GALNT17: variants seen among roughly 807,000 people sequenced by gnomAD.
The protein encoded by GALNT17 is UDP-GalNAc:polypeptide N-acetylgalactosaminyltransferase-like 3.
In GALNT17, 29 loss-of-function variants were observed where a neutral mutation model predicts 63.7. The observed-to-expected ratio is 0.46, with a 90% CI of 0.34 to 0.62. GALNT17 has a LOEUF of 0.62. Among genes scored for constraint, GALNT17 ranks in the 20% least tolerant of loss-of-function variants. GALNT17 has a pLI of 0.01. For synonymous variants in GALNT17, 305 were observed against 318.3 expected (o/e 0.96, Z 0.45); for missense variants, 603 against 799.6 (o/e 0.75, Z 2.97).
chr7:71,280,155 G>A (rs951570106), intron 1 of GALNT17, among the ~76,000 whole-genome samples: 1 of 152,096 alleles, frequency 6.6e-6, no homozygotes, highest in African/African-American at 2.4e-5. Context: ...AGGGAGGGAG[G>A]TCTCTGAGGT....
chr7:71,155,884 T>C (rs1299074470), intron 1 of GALNT17, among the ~76,000 whole-genome samples: 1 of 151,878 alleles, frequency 6.6e-6, no homozygotes, highest in Non-Finnish European at 1.5e-5. Flanking sequence ...TCACTTTTCC[T>C]GGAGTGAGAA....
intron 1 of GALNT17, among the ~76,000 whole-genome samples, chr7:71,239,212 T>A (rs1285722990): frequency 6.6e-6 from 1 of 152,044 alleles, no homozygotes; most frequent in Non-Finnish European, 1.5e-5. Context: ...ATAATTCCAA[T>A]GCTTTGGGAG....
chr7:71,526,506 TTTATTTTTTATTTA>T (rs1788627209), intron 5 of GALNT17, among the ~76,000 whole-genome samples: 1 of 152,124 alleles, frequency 6.6e-6, no homozygotes. Flanking sequence ...TTTTTTATTT[TTTATTTTTTATTTA>T]TTGATTTATT....
At chr7:71,247,232 A>ATTATC (rs1790115029) in intron 1 of GALNT17, among the ~76,000 whole-genome samples, 1 of 152,182 alleles carries the variant, frequency 6.6e-6, no homozygotes, top group Non-Finnish European at 1.5e-5. Context: ...AAGAGTGAAA[A>ATTATC]CATAATTAAA....
At chr7:71,524,197 A>G (rs1788584005) in intron 5 of GALNT17, among the ~76,000 whole-genome samples, 1 of 148,924 alleles carries the variant, frequency 6.7e-6, no homozygotes, top group African/African-American at 2.4e-5. Flanking sequence ...TTAACTAGTA[A>G]TAGTAACTAG....
intron 1 of GALNT17, among the ~76,000 whole-genome samples, chr7:71,178,805 T>C (rs1360867443): frequency 1.3e-5 from 2 of 152,240 alleles, no homozygotes; most frequent in African/African-American, 4.8e-5. Context: ...GACGTATGTA[T>C]AATAGCTGCC....
At position 71,408,189 on chromosome 7, in the gene GALNT17, C is replaced by T. The variant is rs116818782; in HGVS notation, c.590-7700C>T. Among the ~76,000 whole-genome samples the T allele has an allele frequency of 4.8e-3, 731 of 152,218 alleles. 4 individuals carry two copies. Among genetic ancestry groups the T allele is most frequent in the African/African-American group, 0.016 (664 of 41,522 alleles). On this transcript the variant is annotated intron_variant, in intron 3 of 10. Transcript: ENST00000333538. The stretch of plus-strand genomic sequence containing the variant: ...ATTAGGGATACCGAGAAAGGAGCCT[C>T]GGAACCTGCATTTTCATAAGGTCCC...
At chr7:71,609,539 T>C (rs992427092) in intron 6 of GALNT17, among the ~76,000 whole-genome samples, 1 of 152,204 alleles carries the variant, frequency 6.6e-6, no homozygotes, top group Admixed American at 6.5e-5. Context: ...ATTTTTATTA[T>C]TTAAAATTTG....
intron 5 of GALNT17, among the ~76,000 whole-genome samples, chr7:71,537,612 G>C (rs1301990222): frequency 1.3e-5 from 2 of 152,246 alleles, no homozygotes; most frequent in Admixed American, 1.3e-4. Flanking sequence ...AGGAGTTCAA[G>C]ACCAGCCTGA....
chr7:71,254,073 G>T (rs1297232396), intron 1 of GALNT17, among the ~76,000 whole-genome samples: 1 of 152,170 alleles, frequency 6.6e-6, no homozygotes, highest in Non-Finnish European at 1.5e-5. Context: ...TGCATGGAAG[G>T]TGTGCATTGG....
At chr7:71,420,359 A>T in intron 4 of GALNT17, among the ~76,000 whole-genome samples, 1 of 152,268 alleles carries the variant, frequency 6.6e-6, no homozygotes, top group Non-Finnish European at 1.5e-5. Flanking sequence ...GAAATCAATT[A>T]AATCATCAAT....
chr7:71,338,191 G>A (rs942081287), intron 2 of GALNT17, among the ~76,000 whole-genome samples: 12 of 151,876 alleles, frequency 7.9e-5, no homozygotes, highest in Non-Finnish European at 1.3e-4. Flanking sequence ...GCCGGGCGTG[G>A]TGGCGGGCGC....
chr7:71,467,111 C>A (rs561107886), intron 5 of GALNT17, among the ~76,000 whole-genome samples: 1 of 152,154 alleles, frequency 6.6e-6, no homozygotes, highest in Non-Finnish European at 1.5e-5. Flanking sequence ...TAAATAGCTT[C>A]TTTTATCTCA....
intron 1 of GALNT17, among the ~76,000 whole-genome samples, chr7:71,168,339 C>T (rs368577614): frequency 1.3e-5 from 2 of 152,076 alleles, no homozygotes; most frequent in East Asian, 1.9e-4. Context: ...TTTGGGAGGC[C>T]GAGATGGGTG....
At chr7:71,486,084 T>A (rs1362944483) in intron 5 of GALNT17, among the ~76,000 whole-genome samples, 1 of 152,002 alleles carries the variant, frequency 6.6e-6, no homozygotes, top group Non-Finnish European at 1.5e-5. Flanking sequence ...TCCCAGCACT[T>A]TGGGAGACTG....
chr7:71,574,889 C>G (rs1410986460), intron 6 of GALNT17, among the ~76,000 whole-genome samples: 2 of 152,254 alleles, frequency 1.3e-5, no homozygotes, highest in South Asian at 4.2e-4. Flanking sequence ...CAGAAAGGAG[C>G]CCAGGTGAGA....
chr7:71,317,272 G>T (rs1462433978), intron 1 of GALNT17, among the ~76,000 whole-genome samples: 1 of 152,192 alleles, frequency 6.6e-6, no homozygotes, highest in African/African-American at 2.4e-5. Context: ...AATCTGCCTG[G>T]TCAGATGATG....
intron 1 of GALNT17, among the ~76,000 whole-genome samples, chr7:71,146,292 C>T (rs895196346): frequency 1.1e-4 from 16 of 152,236 alleles, no homozygotes; most frequent in Non-Finnish European, 1.9e-4. Context: ...CAACTGAGTC[C>T]GCTGGGATAT....
chr7:71,389,642 C>T (rs1388173057), intron 3 of GALNT17, among the ~76,000 whole-genome samples: 1 of 152,152 alleles, frequency 6.6e-6, no homozygotes, highest in Non-Finnish European at 1.5e-5. Flanking sequence ...TCCTTCTTCT[C>T]ATTAGCTAAA....
Sources: allele counts gnomAD v4.1 joint callset (sites outside exome capture counted in the v4.1 genomes callset), GRCh38; gene constraint gnomAD v4.1.1; transcripts MANE v1.5; gene names NCBI Gene and HGNC (gene_info 2026-07-23, HGNC 2026-07-21).